PI4KA: variants seen among roughly 807,000 people sequenced by gnomAD.
The protein encoded by PI4KA is phosphatidylinositol 4-kinase alpha.
Under a neutral mutation model 271.4 loss-of-function variants are expected in PI4KA, and 122 were observed. The ratio of observed to expected loss-of-function variants is 0.45; its 90% CI spans 0.39 to 0.52. The LOEUF (loss-of-function observed/expected upper bound fraction) is 0.52. PI4KA is among the 20% of genes least tolerant of loss of function. PI4KA has a pLI of 0.00. For missense variants in PI4KA, 1,969 were observed against 2,769.1 expected (o/e 0.71, Z 6.48); for synonymous variants, 1,041 against 1,078.8 (o/e 0.96, Z 0.69).
chr22:20,714,585 G>A (rs367963610), intron 46 of PI4KA, 43 bp downstream of exon 46: 54 of 1,613,858 alleles, frequency 3.3e-5, no homozygotes, highest in Middle Eastern at 1.6e-4. Flanking sequence ...AACTTCGCAC[G>A]CGGACGCGTG....
chr22:20,835,020 C>T (rs1924678559), intron 2 of PI4KA, among the ~76,000 whole-genome samples: 1 of 152,212 alleles, frequency 6.6e-6, no homozygotes, highest in South Asian at 2.1e-4. Context: ...AGCCCCAAAA[C>T]CCATCCATGA....
chr22:20,801,702 G>A (rs1359191647), intron 14 of PI4KA, among the ~76,000 whole-genome samples: 4 of 151,588 alleles, frequency 2.6e-5, no homozygotes, highest in African/African-American at 9.7e-5. Flanking sequence ...TGGCCAACGT[G>A]GTGCAACCCC....
At chr22:20,800,005 G>A (rs1013593827) in intron 14 of PI4KA, among the ~76,000 whole-genome samples, 1 of 152,094 alleles carries the variant, frequency 6.6e-6, no homozygotes, top group African/African-American at 2.4e-5. Context: ...AGTTTCCTTT[G>A]GAATATCATG....
In PI4KA at chr22:20,721,623, G is replaced by A. The variant is rs1291007333; in HGVS notation, c.4996-205C>T. 1.1e-5 allele frequency: 6 copies of A among 568,560 alleles called. No individual in the cohort carries two copies. The African/African-American group carries it at 1.1e-4, about 11-fold the overall frequency. The allele number at this position is 568,560 out of a possible 1,614,324, so 35.2% of individuals were successfully genotyped here. A position where few individuals can be genotyped will look rare whatever the true frequency, so the allele number is the denominator to read the frequency against. ...CCAGCTGGCTGGGGGCTGGGACCTGGGGGGCAGGGTTGCAAAGCGGGCGAC... is the reference window on the plus strand; with the variant it reads ...CCAGCTGGCTGGGGGCTGGGACCTGAGGGGCAGGGTTGCAAAGCGGGCGAC... On this transcript the variant is annotated intron_variant, in intron 42 of 54. Transcript: ENST00000255882.
Position 20,813,419 on chromosome 22 carries a change from T to C in PI4KA, c.944A>G (p.Asn315Ser), listed in dbSNP as rs202016896. 1.1e-5 allele frequency: 18 copies of C among 1,613,708 alleles called. No individual in the cohort carries two copies. In the African/African-American group the frequency reaches 1.7e-4, roughly 16 times the overall value. The change falls in exon 8 of 55, where the codon AAC becomes AGC. Residue 315 changes from asparagine (N) to serine (S), a missense_variant. By Grantham distance (46) the Asn-to-Ser change is conservative. This residue lies in a region of PI4KA where 540 missense variants were observed against 555.5 expected (regional missense o/e 0.97). Transcript: ENST00000255882. ...GTTAAACTCCTTATATGTGACACCG[T>C]TGAAAAGGGGAGAGACTGAGAAGCT... ...SSSFSVSPLF[N>S]GVTYKEFNIP...
At chr22:20,786,247 C>A in intron 19 of PI4KA, 2 of 1,339,774 alleles carry the variant, frequency 1.5e-6, no homozygotes, top group African/African-American at 1.4e-5. Context: ...AATCTCATGT[C>A]CCAGCTTGGG....
chr22:20,793,727 T>G (rs1015220461), intron 18 of PI4KA, among the ~76,000 whole-genome samples: 5 of 152,244 alleles, frequency 3.3e-5, no homozygotes, highest in African/African-American at 1.2e-4. Context: ...ACTTTACTAT[T>G]TATAGGCTTC....
Position 20,718,700 on chromosome 22 carries a change from T to C in PI4KA, c.5239A>G (p.Ile1747Val), listed in dbSNP as rs758030157. 14 of 1,613,436 alleles carry C rather than the reference T, an allele frequency of 8.7e-6. No individual in the cohort carries two copies. The highest frequency in any genetic ancestry group is 4.5e-5 in the East Asian group (2 of 44,890). Residue 1747 changes from isoleucine to valine, a missense_variant, in exon 44 of 55, where the codon ATC becomes GTC. This residue lies in a region of PI4KA where 388 missense variants were observed against 521.5 expected (regional missense o/e 0.74). Transcript: ENST00000255882. The stretch of plus-strand genomic sequence containing the variant: ...CTGAAGCACTGCACTTACTTGATGA[T>C]AGCCGACACGTTGGTGATCTTGTTA... ...FFNKITNVSA[I>V]IKPYPKGDER...
chr22:20,758,444 A>ATTTTTTTTTTTTTTT (rs1931568466), intron 23 of PI4KA, among the ~76,000 whole-genome samples: 1 of 95,474 alleles, frequency 1.0e-5, no homozygotes, highest in Non-Finnish European at 2.1e-5. Flanking sequence ...TTTGTGTGTG[A>ATTTTTTTTTTTTTTT]TTTTTCTTTC....
At chr22:20,810,623 A>G (rs1248824608) in intron 9 of PI4KA, among the ~76,000 whole-genome samples, 1 of 152,156 alleles carries the variant, frequency 6.6e-6, no homozygotes, top group Non-Finnish European at 1.5e-5. Flanking sequence ...GAAGCACCAA[A>G]GGAGTGAGGA....
intron 3 of PI4KA, among the ~76,000 whole-genome samples, chr22:20,824,781 A>ACACACAC (rs879423661): frequency 1.1e-3 from 147 of 136,580 alleles, no homozygotes; most frequent in Non-Finnish European, 1.9e-3. Context: ...CACACACACA[A>ACACACAC]AACACTCGGC....
At chr22:20,775,492 C>A (rs1226093215) in intron 19 of PI4KA, among the ~76,000 whole-genome samples, 1 of 152,206 alleles carries the variant, frequency 6.6e-6, no homozygotes, top group Admixed American at 6.5e-5. Flanking sequence ...AATATAACTT[C>A]TGAATACCGG....
chr22:20,794,620 A>T (rs1934869449), intron 18 of PI4KA, among the ~76,000 whole-genome samples: 1 of 152,158 alleles, frequency 6.6e-6, no homozygotes, highest in African/African-American at 2.4e-5. Context: ...GGACTCCTTC[A>T]TGCAGTTGTC....
In PI4KA at chr22:20,744,723, A is replaced by G. The variant is rs377088017; in HGVS notation, c.3364-3T>C. ...GGGCGCTCGCTCAGCTGAGTTGCCT[A>G]CAGACAGATAACCATTATTGTAGAC... is the stretch of plus-strand genomic sequence containing the variant. On this transcript the variant is annotated splice_polypyrimidine_tract_variant and splice_region_variant and intron_variant, in intron 29 of 54. Coordinates refer to ENST00000255882, the MANE Select transcript of PI4KA (RefSeq NM_058004.4). 7.8e-5 allele frequency: 125 copies of G among 1,612,006 alleles called. 1 individual carries two copies. The South Asian group carries it at 1.3e-3, about 17-fold the overall frequency.
At position 20,722,631 on chromosome 22, in the gene PI4KA, T is replaced by G. The variant is rs574003422; in HGVS notation, c.4996-1213A>C. On this transcript the variant is annotated intron_variant, in intron 42 of 54. Transcript: ENST00000255882. ...GTTTTTCTTTTTAATTAAAAAAATT[T>G]TTTTTGTTCCTAGAGCCATAAGTTT... Among the ~76,000 whole-genome samples the G allele has an allele frequency of 2.0e-5, 3 of 152,338 alleles. No homozygotes were observed. In the East Asian group the frequency reaches 5.8e-4, roughly 29 times the overall value.
At chr22:20,768,511 A>C (rs1255449138) in intron 19 of PI4KA, among the ~76,000 whole-genome samples, 1 of 152,238 alleles carries the variant, frequency 6.6e-6, no homozygotes, top group Non-Finnish European at 1.5e-5. Flanking sequence ...AAGATGGGAA[A>C]AAGCAGCCAC....
intron 9 of PI4KA, 60 bp downstream of exon 9, chr22:20,810,907 T>C: frequency 7.8e-7 from 1 of 1,280,518 alleles, no homozygotes. Context: ...CTCTTCCTGC[T>C]TTCTCTACAC....
chr22:20,802,773 G>A (rs1423907474), intron 13 of PI4KA, among the ~76,000 whole-genome samples: 1 of 152,218 alleles, frequency 6.6e-6, no homozygotes, highest in Admixed American at 6.5e-5. Context: ...TCATGAGACT[G>A]TGGGTAAGAG....
chr22:20,714,265 G>T (rs1925696218), intron 47 of PI4KA, among the ~76,000 whole-genome samples, 193 bp downstream of exon 47: 1 of 152,252 alleles, frequency 6.6e-6, no homozygotes, highest in Middle Eastern at 3.4e-3. Flanking sequence ...CAGACCTCTG[G>T]GGTGGCACAT....
Sources: allele counts gnomAD v4.1 joint callset (sites outside exome capture counted in the v4.1 genomes callset), GRCh38; gene constraint gnomAD v4.1.1; regional missense constraint gnomAD v4.1.1; transcripts MANE v1.5; gene names NCBI Gene and HGNC (gene_info 2026-07-23, HGNC 2026-07-21).